ANO2: variants seen among roughly 807,000 people sequenced by gnomAD.
ANO2 encodes anoctamin 2, also known as anoctamin-2.
ANO2 carries 101 observed loss-of-function variants against 124.2 expected under a neutral mutation model. The ratio of observed to expected loss-of-function variants is 0.81; its 90% confidence interval spans 0.69 to 0.96. ANO2 has a LOEUF of 0.96. Ranked by LOEUF, ANO2 falls within the 40% of genes least tolerant of loss-of-function variation. The probability of loss-of-function intolerance (pLI) is 0.00; values close to 1 mark genes in which losing one functional copy is unlikely to be tolerated. For synonymous variants in ANO2, 486 were observed against 482.5 expected (o/e 1.01, Z -0.09); for missense variants, 1,293 against 1,274.5 (o/e 1.01, Z -0.22).
intron 14 of ANO2, among the ~76,000 whole-genome samples, chr12:5,694,853 G>A (rs1356971098): frequency 6.6e-6 from 1 of 152,066 alleles, no homozygotes; most frequent in Admixed American, 6.6e-5. Flanking sequence ...ATTCAGTGCT[G>A]ATGATGCCAC....
At position 5,635,053 on chromosome 12, in the gene ANO2, C is replaced by T. The variant is rs551248000; in HGVS notation, c.1816+99G>A. ...AATTAAAATGCACTGTACAAAGCAT[C>T]CTGTCCCTGTCCCATTTTTTTTATT... On this transcript the variant is annotated intron_variant, in intron 16 of 24. Transcript: ENST00000682330. The surrounding 1 kb of genome is among the most constrained non-coding windows in gnomAD (Gnocchi z 5.2). The T allele has an allele frequency of 9.0e-5, 99 of 1,105,716 alleles. No homozygotes were observed. In the African/African-American group the frequency reaches 1.2e-3, roughly 13 times the overall value. The allele number at this position is 1,105,716 out of a possible 1,614,324, so 68.5% of individuals were successfully genotyped here.
At chr12:5,917,541 ACT>A (rs1941450483) in intron 3 of ANO2, among the ~76,000 whole-genome samples, 1 of 149,406 alleles carries the variant, frequency 6.7e-6, no homozygotes, top group Non-Finnish European at 1.5e-5. Flanking sequence ...TGAAGAAAGT[ACT>A]GTTATTATTA....
chr12:5,779,511 C>A (rs117959487), intron 10 of ANO2, among the ~76,000 whole-genome samples: 1 of 152,160 alleles, frequency 6.6e-6, no homozygotes, highest in Non-Finnish European at 1.5e-5. Context: ...TTCCTCCATG[C>A]GAAAAGTCAT....
rs539908710 is a variant in ANO2, at chr12:5,867,699, C to T, written c.535-13558G>A. The stretch of plus-strand genomic sequence containing the variant: ...AACTTGGATTATGAATAAAGGCTAT[C>T]GAATTAGCTAAAATCTAGATCTTGG... On this transcript the variant is annotated intron_variant, in intron 3 of 24. Transcript: ENST00000682330. 7.8e-5 allele frequency among the ~76,000 whole-genome samples: 11 copies of T among 141,606 alleles called. No homozygotes were observed. The South Asian group carries it at 1.5e-3, about 20-fold the overall frequency. The allele number at this position is 141,606 out of a possible 152,430, so 92.9% of individuals were successfully genotyped here. A position where few individuals can be genotyped will look rare whatever the true frequency, so the allele number is the denominator to read the frequency against.
chr12:5,662,910 G>A (rs1947520455), intron 14 of ANO2, among the ~76,000 whole-genome samples: 1 of 152,154 alleles, frequency 6.6e-6, no homozygotes, highest in Admixed American at 6.5e-5. Flanking sequence ...TCCAAACCTG[G>A]GAACACCCTG....
chr12:5,923,074 G>C (rs1428767449), intron 1 of ANO2, among the ~76,000 whole-genome samples: 120 of 33,826 alleles, frequency 3.5e-3, no homozygotes, highest in South Asian at 5.6e-3. Flanking sequence ...ACACACACAT[G>C]CACACATACA....
chr12:5,566,022 T>C (rs1357974193), intron 23 of ANO2, among the ~76,000 whole-genome samples: 3 of 152,130 alleles, frequency 2.0e-5, no homozygotes, highest in Non-Finnish European at 2.9e-5. Flanking sequence ...GCCTGTGGCC[T>C]CTGTGTGGGT....
At chr12:5,772,995 TC>T (rs1952128279) in intron 10 of ANO2, among the ~76,000 whole-genome samples, 1 of 152,236 alleles carries the variant, frequency 6.6e-6, no homozygotes, top group Non-Finnish European at 1.5e-5. Context: ...ACAACCAGGC[TC>T]CCTGGCTAAT....
intron 3 of ANO2, among the ~76,000 whole-genome samples, chr12:5,869,568 T>G (rs1305500448): frequency 6.6e-6 from 1 of 152,236 alleles, no homozygotes; most frequent in Admixed American, 6.5e-5. Context: ...TCCTTATCTC[T>G]AGGCCTCGGC....
intron 23 of ANO2, among the ~76,000 whole-genome samples, chr12:5,575,290 C>T (rs1357347065): frequency 6.6e-6 from 1 of 152,206 alleles, no homozygotes; most frequent in Non-Finnish European, 1.5e-5. Flanking sequence ...GGCTCTTTGT[C>T]TGCTCCATAG....
At chr12:5,655,929 G>A (rs1174612397) in intron 14 of ANO2, among the ~76,000 whole-genome samples, 1 of 152,004 alleles carries the variant, frequency 6.6e-6, no homozygotes, top group African/African-American at 2.4e-5. Flanking sequence ...ACTCAGGAAG[G>A]GACATAGAGG....
rs557262749 is a variant in ANO2 at position 5,623,160 on chromosome 12, A to G, written c.1817-7863T>C. 2.0e-5 allele frequency among the ~76,000 whole-genome samples: 3 copies of G among 152,116 alleles called. No individual in the cohort carries two copies. The East Asian group carries it at 5.8e-4, about 29-fold the overall frequency. ...GGTCTGAATCTCAACCCCATGAAAA[A>G]ATGGTCCAGCCTTGTGCTTTGAACA... On this transcript the variant is annotated intron_variant, in intron 16 of 24. Coordinates refer to ENST00000682330, the MANE Select transcript of ANO2 (RefSeq NM_001364791.2).
At chr12:5,842,276 T>C (rs568464825) in intron 4 of ANO2, among the ~76,000 whole-genome samples, 1 of 152,234 alleles carries the variant, frequency 6.6e-6, no homozygotes, top group Non-Finnish European at 1.5e-5. Flanking sequence ...TCACCAGCCC[T>C]CAGCAAAGTA....
chr12:5,583,581 A>G (rs1354239796), intron 20 of ANO2, among the ~76,000 whole-genome samples: 5 of 124,734 alleles, frequency 4.0e-5, no homozygotes, highest in East Asian at 2.6e-4. Flanking sequence ...TGAACCTGGG[A>G]GGCGGAGCTT....
intron 20 of ANO2, among the ~76,000 whole-genome samples, chr12:5,581,313 C>G (rs559706306): frequency 1.7e-3 from 261 of 152,256 alleles, no homozygotes; most frequent in Non-Finnish European, 2.6e-3. Flanking sequence ...GCAAACTCCC[C>G]AGAGCCTCCG....
At chr12:5,890,281 T>C (rs1169632242) in intron 3 of ANO2, among the ~76,000 whole-genome samples, 1 of 152,100 alleles carries the variant, frequency 6.6e-6, no homozygotes, top group Non-Finnish European at 1.5e-5. Flanking sequence ...AGAATGTGCC[T>C]CCAACTTATC....
intron 11 of ANO2, among the ~76,000 whole-genome samples, chr12:5,749,325 C>A (rs1188133215): frequency 6.6e-6 from 1 of 152,220 alleles, no homozygotes; most frequent in Non-Finnish European, 1.5e-5. Context: ...TATCCTGCCC[C>A]CTAGCCACAA....
intron 15 of ANO2, among the ~76,000 whole-genome samples, chr12:5,640,616 AT>A (rs1418328531): frequency 6.6e-6 from 1 of 152,238 alleles, no homozygotes; most frequent in Non-Finnish European, 1.5e-5. Context: ...CAACAGACAC[AT>A]GAAAAAATGC....
At chr12:5,688,758 C>T (rs967658952) in intron 14 of ANO2, among the ~76,000 whole-genome samples, 1 of 151,196 alleles carries the variant, frequency 6.6e-6, no homozygotes, top group Non-Finnish European at 1.5e-5. Context: ...TAACTCAGGC[C>T]TTCCTGTTCC....
Sources: allele counts gnomAD v4.1 joint callset (sites outside exome capture counted in the v4.1 genomes callset), GRCh38; gene constraint gnomAD v4.1.1; non-coding constraint Gnocchi (gnomAD v3.1); transcripts MANE v1.5; gene names NCBI Gene and HGNC (gene_info 2026-07-23, HGNC 2026-07-21).